WSCD2: variants seen among roughly 807,000 people sequenced by gnomAD.
WSCD2 encodes sialate:O-sulfotransferase 2.
In WSCD2, 28 loss-of-function variants were observed where a neutral mutation model predicts 55.7. The observed-to-expected ratio is 0.50, with a 90% confidence interval of 0.37 to 0.69. The LOEUF is 0.69. Ranked by LOEUF, WSCD2 falls within the 30% of genes least tolerant of loss-of-function variation. The pLI, the probability that WSCD2 is intolerant of heterozygous loss-of-function variation, is 0.00. For missense variants in WSCD2, 616 were observed against 762.1 expected, an observed-to-expected ratio of 0.81 and a Z score of 2.26; for synonymous variants, 301 against 301.9, an observed-to-expected ratio of 1.00 and a Z score of 0.03.
In WSCD2 at chr12:108,232,759, G is replaced by A. The variant is rs1207716593; in HGVS notation, c.1008G>A (p.Leu336=). Residue 336 remains leucine, a synonymous_variant, in exon 7 of 9, where the codon CTG becomes CTA. Transcript: ENST00000547525. Reference sequence around the variant, plus strand: ...ACCGTTGCATGGACAGAAGGTTCCTGCCAGGCAAGTCCAAGCAGCTCATTG... The same window carrying A: ...ACCGTTGCATGGACAGAAGGTTCCTACCAGGCAAGTCCAAGCAGCTCATTG... The part of the protein sequence containing the change: ...QDNRCMDRRF[L]PGKSKQLIAL... 6 of 1,613,504 alleles carry A rather than the reference G, an allele frequency of 3.7e-6. No homozygotes were observed. The South Asian group carries it at 5.5e-5, about 15-fold the overall frequency.
rs190942507 is a variant in WSCD2, at chr12:108,222,905, T to C, written c.683-1834T>C. ...ACAGAACCAACAGGATTAAAACCAA[T>C]AGGATATGTGGATAGATATATTAAG... On this transcript the variant is annotated intron_variant, in intron 4 of 8. Coordinates refer to ENST00000547525, the MANE Select transcript of WSCD2 (RefSeq NM_014653.4). Among the ~76,000 whole-genome samples the C allele has an allele frequency of 8.0e-3, 1,222 of 152,336 alleles. 16 individuals are homozygous for C. The highest frequency in any genetic ancestry group is 0.028 in the African/African-American group (1,181 of 41,586).
intron 1 of WSCD2, chr12:108,149,696 C>G (rs1333317365): frequency 6.6e-6 from 1 of 152,262 alleles, no homozygotes; most frequent in Non-Finnish European, 1.5e-5. Flanking sequence ...CACAATTAGG[C>G]TGTGTGCTAC....
At chr12:108,240,580 G>A in intron 8 of WSCD2, 36 bp downstream of exon 8, 12 of 1,461,804 alleles carry the variant, frequency 8.2e-6, no homozygotes, top group Non-Finnish European at 1.0e-5. Context: ...GGAGGGGAGG[G>A]GCTTCGGGCT....
At chr12:108,148,146 C>T (rs1198524527) in intron 1 of WSCD2, among the ~76,000 whole-genome samples, 2 of 152,176 alleles carry the variant, frequency 1.3e-5, no homozygotes, top group African/African-American at 2.4e-5. Context: ...GGCGTGGGGC[C>T]GACCTGTGCA....
At chr12:108,226,537 A>C (rs551681014) in intron 5 of WSCD2, among the ~76,000 whole-genome samples, 1 of 152,234 alleles carries the variant, frequency 6.6e-6, no homozygotes, top group South Asian at 2.1e-4. Context: ...TCAGTGTTTA[A>C]GCGTCAACAC....
chr12:108,176,397 T>C (rs1326206958), intron 1 of WSCD2, among the ~76,000 whole-genome samples: 2 of 152,232 alleles, frequency 1.3e-5, no homozygotes, highest in African/African-American at 2.4e-5. Context: ...CAGAGTGTCA[T>C]ATAAATGGAA....
At chr12:108,176,235 G>A (rs1038602296) in intron 1 of WSCD2, among the ~76,000 whole-genome samples, 4 of 152,164 alleles carry the variant, frequency 2.6e-5, no homozygotes, top group Non-Finnish European at 5.9e-5. Flanking sequence ...TTTGACAAAT[G>A]TGTACAACCA....
intron 2 of WSCD2, among the ~76,000 whole-genome samples, chr12:108,202,618 T>G (rs1233142548): frequency 6.6e-6 from 1 of 152,164 alleles, no homozygotes; most frequent in Admixed American, 6.5e-5. Flanking sequence ...AACCAAATAC[T>G]GCACGTTCTC....
At chr12:108,222,781 C>A (rs970186401) in intron 4 of WSCD2, among the ~76,000 whole-genome samples, 7 of 152,206 alleles carry the variant, frequency 4.6e-5, no homozygotes, top group Non-Finnish European at 5.9e-5. Context: ...CATAAAAATA[C>A]ATATTCATTG....
At chr12:108,247,699 G>A (rs1890183313) in intron 8 of WSCD2, among the ~76,000 whole-genome samples, 2 of 152,166 alleles carry the variant, frequency 1.3e-5, no homozygotes, top group Non-Finnish European at 2.9e-5. Flanking sequence ...AGGACTGCAA[G>A]CATGCACCTC....
chr12:108,202,623 G>A (rs1036477745), intron 2 of WSCD2, among the ~76,000 whole-genome samples: 1 of 152,176 alleles, frequency 6.6e-6, no homozygotes, highest in African/African-American at 2.4e-5. Flanking sequence ...AATACTGCAC[G>A]TTCTCACTTA....
chr12:108,170,690 A>G (rs1481898802), intron 1 of WSCD2, among the ~76,000 whole-genome samples: 1 of 152,232 alleles, frequency 6.6e-6, no homozygotes, highest in Non-Finnish European at 1.5e-5. Flanking sequence ...TCAATGTCTG[A>G]CATGATGCCA....
At chr12:108,243,518 G>C (rs1305800506) in intron 8 of WSCD2, among the ~76,000 whole-genome samples, 1 of 152,220 alleles carries the variant, frequency 6.6e-6, no homozygotes, top group Non-Finnish European at 1.5e-5. Context: ...ACAGGCGTGA[G>C]CCACCGCGCC....
At chr12:108,192,418 C>T (rs1883301552) in intron 1 of WSCD2, among the ~76,000 whole-genome samples, 1 of 152,150 alleles carries the variant, frequency 6.6e-6, no homozygotes, top group African/African-American at 2.4e-5. Flanking sequence ...TCTGTTCTTG[C>T]CTGAGTGCCT....
chr12:108,225,928 T>C (rs979806722), intron 5 of WSCD2, among the ~76,000 whole-genome samples: 4 of 151,988 alleles, frequency 2.6e-5, no homozygotes, highest in Non-Finnish European at 5.9e-5. Context: ...TAGTTGAGGG[T>C]AGAGAGGTAT....
chr12:108,156,846 G>GT (rs1464411263), intron 1 of WSCD2, among the ~76,000 whole-genome samples: 1 of 152,172 alleles, frequency 6.6e-6, no homozygotes, highest in Non-Finnish European at 1.5e-5. Context: ...TTTCCTCTAA[G>GT]TCTAGAAACT....
At chr12:108,240,572 AGG>A in intron 8 of WSCD2, 28 bp downstream of exon 8, 1 of 173,796 alleles carries the variant, frequency 5.8e-6, no homozygotes, top group Non-Finnish European at 1.0e-5. Flanking sequence ...AGGGGAGGGG[AGG>A]GGAGGGGCTT....
In WSCD2 at chr12:108,164,138, C is replaced by CTTTTTTTTTTTTTTTTTTTTTT; in HGVS notation, c.-551-31144_-551-31143insTTTTTTTTTTTTTTTTTTTTTT. On this transcript the variant is annotated intron_variant, in intron 1 of 8. Transcript: ENST00000547525. ...TTTATACTGTTGTTTAATCTTAAAT[C>CTTTTTTTTTTTTTTTTTTTTTT]CTTTTTTTTTTTTTTTTTTTTTTTC... Among the ~76,000 whole-genome samples the CTTTTTTTTTTTTTTTTTTTTTT allele has an allele frequency of 4.3e-3, 311 of 71,736 alleles. 141 individuals carry two copies. Among genetic ancestry groups the CTTTTTTTTTTTTTTTTTTTTTT allele is most frequent in the East Asian group, 5.7e-3 (12 of 2,114 alleles). 47.1% of individuals were successfully genotyped at this position (71,736 alleles called of 152,430 possible).
At chr12:108,219,550 C>T (rs902508754) in intron 4 of WSCD2, among the ~76,000 whole-genome samples, 8 of 152,220 alleles carry the variant, frequency 5.3e-5, no homozygotes, top group Non-Finnish European at 1.0e-4. Context: ...ACTGCCCTCA[C>T]ACAGCCTCTC....
Sources: allele counts gnomAD v4.1 joint callset (sites outside exome capture counted in the v4.1 genomes callset), GRCh38; gene constraint gnomAD v4.1.1; transcripts MANE v1.5; gene names NCBI Gene and HGNC (gene_info 2026-07-23, HGNC 2026-07-21).